AHR: variants seen among roughly 807,000 people sequenced by gnomAD.
The protein encoded by AHR is AH-receptor.
A neutral mutation model predicts 86.8 loss-of-function variants in AHR; 40 were observed. The observed-to-expected ratio is 0.46, with a 90% CI of 0.36 to 0.60. The LOEUF (loss-of-function observed/expected upper bound fraction) is 0.60. Ranked by LOEUF, AHR falls within the 20% of genes least tolerant of loss-of-function variation. The pLI, the probability that AHR is intolerant of heterozygous loss-of-function variation, is 0.00. For missense variants in AHR, 1,001 were observed against 1,011.6 expected (o/e 0.99, Z 0.14); for synonymous variants, 398 against 354.9 (o/e 1.12, Z -1.37).
At chr7:17,338,015 C>T (rs930763903) in intron 9 of AHR, among the ~76,000 whole-genome samples, 1 of 150,900 alleles carries the variant, frequency 6.6e-6, no homozygotes, top group African/African-American at 2.4e-5. Context: ...CTGGCTAACA[C>T]GGTGAAACCC....
chr7:17,329,917 C>T, intron 4 of AHR, 35 bp from the exon 5 acceptor site: 1 of 1,574,624 alleles, frequency 6.4e-7, no homozygotes, highest in Non-Finnish European at 8.6e-7. Flanking sequence ...TTTAATCAGT[C>T]CTTTTGTTGT....
Position 17,344,203 on chromosome 7 carries a change from G to A in AHR, c.*1139G>A, listed in dbSNP as rs1009151164. 6.6e-6 allele frequency: 1 copy of A among 152,644 alleles called. No individual in the cohort carries two copies. The highest frequency in any genetic ancestry group is 1.5e-5 in the Non-Finnish European group (1 of 68,002). The allele number at this position is 152,644 out of a possible 1,614,324, so 9.5% of individuals were successfully genotyped here. A position where few individuals can be genotyped will look rare whatever the true frequency, so the allele number is the denominator to read the frequency against. On this transcript the variant is annotated 3_prime_UTR_variant, in exon 11 of 11. Coordinates refer to ENST00000242057, the MANE Select transcript of AHR (RefSeq NM_001621.5). ...ATATTGTGTTGACTTTATAAATTTC[G>A]CTTCTTAGAACAGTGGAAACTATGT...
intron 2 of AHR, among the ~76,000 whole-genome samples, chr7:17,313,826 GAGACT>G (rs1782090418): frequency 6.6e-6 from 1 of 151,990 alleles, no homozygotes; most frequent in African/African-American, 2.4e-5. Context: ...TTTATTAATA[GAGACT>G]AGGATTTGGG....
intron 2 of AHR, among the ~76,000 whole-genome samples, chr7:17,318,469 C>A (rs1308526006): frequency 6.6e-6 from 1 of 152,110 alleles, no homozygotes; most frequent in Non-Finnish European, 1.5e-5. Flanking sequence ...ACGACTCCTT[C>A]ATAGATCTTT....
intron 6 of AHR, 50 bp from the exon 7 acceptor site, chr7:17,333,862 T>A: frequency 6.6e-7 from 1 of 1,504,456 alleles, no homozygotes; most frequent in Non-Finnish European, 9.2e-7. Context: ...AAGGCACTAT[T>A]TTATATTGTT....
chr7:17,308,158 G>T (rs1312606181), intron 1 of AHR, among the ~76,000 whole-genome samples: 1 of 152,086 alleles, frequency 6.6e-6, no homozygotes, highest in East Asian at 1.9e-4. Flanking sequence ...GTTCTGTGCT[G>T]GGCACTTGAT....
At chr7:17,322,264 C>A (rs943620575) in intron 2 of AHR, among the ~76,000 whole-genome samples, 4 of 151,924 alleles carry the variant, frequency 2.6e-5, no homozygotes, top group Admixed American at 6.6e-5. Flanking sequence ...AACAATCTGT[C>A]AGCTGACAAC....
chr7:17,303,274 G>C (rs1480421164), intron 1 of AHR, among the ~76,000 whole-genome samples: 1 of 152,058 alleles, frequency 6.6e-6, no homozygotes, highest in African/African-American at 2.4e-5. Context: ...TTCAAATTCA[G>C]AGTTGCTCAG....
intron 10 of AHR, among the ~76,000 whole-genome samples, chr7:17,341,178 G>C (rs1446071508): frequency 6.6e-6 from 1 of 152,056 alleles, no homozygotes; most frequent in Non-Finnish European, 1.5e-5. Context: ...ATAATTAAAA[G>C]TATGACCTGA....
Position 17,339,314 on chromosome 7 carries a change from C to T in AHR, c.1489C>T (p.Gln497Ter), listed in dbSNP as rs367940403. The stretch of plus-strand genomic sequence containing the variant: ...ATCTATGAATGAATGCAGAAATTGG[C>T]AAGATAATACTGCACCGATGGGAAA... ...NESMNECRNW[Q>*]DNTAPMGNDT... Residue 497 changes from glutamine (Q) to a stop codon, truncating the protein, a stop_gained, in exon 10 of 11, where the codon CAA becomes TAA. Transcript: ENST00000242057. LOFTEE classifies it high-confidence loss of function. The T allele has an allele frequency of 6.2e-7, 1 of 1,613,992 alleles. No homozygotes were observed. The highest frequency in any genetic ancestry group is 1.7e-5 in the Admixed American group (1 of 59,998).
chr7:17,315,227 T>C (rs1420485948), intron 2 of AHR, among the ~76,000 whole-genome samples: 1 of 152,002 alleles, frequency 6.6e-6, no homozygotes, highest in African/African-American at 2.4e-5. Flanking sequence ...ACCTCTTTGG[T>C]TCAGGAATTT....
At chr7:17,313,599 A>G (rs1245942583) in intron 2 of AHR, among the ~76,000 whole-genome samples, 1 of 152,170 alleles carries the variant, frequency 6.6e-6, no homozygotes, top group African/African-American at 2.4e-5. Flanking sequence ...GCAACACTAT[A>G]AAGTTTTAAG....
chr7:17,313,216 A>AT (rs1350254914), intron 2 of AHR, among the ~76,000 whole-genome samples: 1 of 152,166 alleles, frequency 6.6e-6, no homozygotes, highest in African/African-American at 2.4e-5. Context: ...AGAGAATGAA[A>AT]TTATAAGGGT....
Position 17,343,072 on chromosome 7 carries a change from C to T in AHR, c.*8C>T, listed in dbSNP as rs1244827736. The T allele has an allele frequency of 6.2e-7, 1 of 1,613,240 alleles. No individual in the cohort carries two copies. Among genetic ancestry groups the T allele is most frequent in the South Asian group, 1.1e-5 (1 of 90,828 alleles). ...TCCAGTGGATTCCTGTAATTCCAAG[C>T]CCAATTTTGACCCTGGTTTTTGGAT... On this transcript the variant is annotated 3_prime_UTR_variant, in exon 11 of 11. Coordinates refer to ENST00000242057, the MANE Select transcript of AHR (RefSeq NM_001621.5).
At chr7:17,320,209 T>C (rs1468465256) in intron 2 of AHR, among the ~76,000 whole-genome samples, 1 of 152,050 alleles carries the variant, frequency 6.6e-6, no homozygotes, top group Non-Finnish European at 1.5e-5. Context: ...ATTTTTGACA[T>C]TGTTTTCTAG....
intron 1 of AHR, among the ~76,000 whole-genome samples, chr7:17,303,629 T>C (rs1364523076): frequency 6.6e-6 from 1 of 152,116 alleles, no homozygotes; most frequent in African/African-American, 2.4e-5. Context: ...ACTAATATTC[T>C]ATAATTTTTT....
chr7:17,336,728 A>G (rs1782358001), intron 9 of AHR, among the ~76,000 whole-genome samples: 1 of 152,176 alleles, frequency 6.6e-6, no homozygotes, highest in African/African-American at 2.4e-5. Flanking sequence ...TGTGTGTACC[A>G]TATGTATATG....
rs765339440 is a variant in AHR, at chr7:17,335,029, G to A, written c.1018+33G>A. On this transcript the variant is annotated intron_variant, in intron 8 of 10. Coordinates refer to ENST00000242057, the MANE Select transcript of AHR (RefSeq NM_001621.5). The stretch of plus-strand genomic sequence containing the variant: ...GTAGTTCCTTATGAACATGTCAGAA[G>A]AAAACGGCATATACTGTTGTACATG... The A allele has an allele frequency of 4.0e-6, 6 of 1,494,502 alleles. No individual in the cohort carries two copies. In the South Asian group the frequency reaches 6.9e-5, roughly 17 times the overall value. 92.6% of individuals were successfully genotyped at this position (1,494,502 alleles called of 1,614,324 possible).
At chr7:17,338,935 T>A (rs769874763) in intron 9 of AHR, 51 bp from the exon 10 acceptor site, 27 of 1,464,424 alleles carry the variant, frequency 1.8e-5, no homozygotes, top group Non-Finnish European at 2.4e-5. Flanking sequence ...ATTTTTATTT[T>A]AAAATGTTTG....
Sources: allele counts gnomAD v4.1 joint callset (sites outside exome capture counted in the v4.1 genomes callset), GRCh38; gene constraint gnomAD v4.1.1; transcripts MANE v1.5; gene names NCBI Gene and HGNC (gene_info 2026-07-23, HGNC 2026-07-21).